The following FBXW11 variants were observed in gnomAD, a reference collection of about 807,000 sequenced individuals.
FBXW11 encodes the protein F-box/WD repeat-containing protein 11.
FBXW11 carries 19 observed loss-of-function variants against 77.6 expected under a neutral mutation model. The observed-to-expected ratio is 0.24, with a 90% confidence interval of 0.17 to 0.36. The LOEUF is 0.36. Ranked by LOEUF, FBXW11 falls within the 10% of genes least tolerant of loss-of-function variation. FBXW11 has a pLI of 1.00. For missense variants in FBXW11, 334 were observed against 704.2 expected, an observed-to-expected ratio of 0.47 and a Z score of 5.95; for synonymous variants, 235 against 249.4, an observed-to-expected ratio of 0.94 and a Z score of 0.54.
chr5:171,883,118 T>C (rs955223557), intron 7 of FBXW11, among the ~76,000 whole-genome samples: 1 of 152,224 alleles, frequency 6.6e-6, no homozygotes, highest in Admixed American at 6.5e-5. Context: ...TGTTAATTCA[T>C]TCCTTTATAT....
chr5:171,913,818 T>TACACACACACACACAC (rs1161644281), intron 3 of FBXW11, among the ~76,000 whole-genome samples: 7 of 65,318 alleles, frequency 1.1e-4, no homozygotes, highest in South Asian at 1.0e-3. Flanking sequence ...CACACACACA[T>TACACACACACACACAC]ACACACACAC....
intron 2 of FBXW11, among the ~76,000 whole-genome samples, chr5:171,921,939 A>G (rs1761622925): frequency 6.6e-6 from 1 of 151,996 alleles, no homozygotes; most frequent in Non-Finnish European, 1.5e-5. Flanking sequence ...GGGTCTTGCT[A>G]TGTTGCTCAA....
At chr5:171,980,730 T>C (rs1451741226) in intron 1 of FBXW11, among the ~76,000 whole-genome samples, 1 of 152,192 alleles carries the variant, frequency 6.6e-6, no homozygotes, top group Non-Finnish European at 1.5e-5. Flanking sequence ...AGAGGAAGTA[T>C]AAGAATGTAC....
chr5:171,868,910 G>A (rs2113747332), intron 12 of FBXW11, 114 bp from the exon 13 acceptor site: 1 of 864,108 alleles, frequency 1.2e-6, no homozygotes, highest in Non-Finnish European at 1.8e-6. Context: ...CTTCCTAAAC[G>A]ACTGTACAGA....
intron 1 of FBXW11, among the ~76,000 whole-genome samples, chr5:171,992,498 A>G: frequency 6.6e-6 from 1 of 151,996 alleles, no homozygotes; most frequent in South Asian, 2.1e-4. Flanking sequence ...GAAGAAAGAA[A>G]AGAGAGAGAA....
chr5:171,890,150 A>C (rs1484225703), intron 7 of FBXW11, among the ~76,000 whole-genome samples: 2 of 152,158 alleles, frequency 1.3e-5, no homozygotes, highest in Non-Finnish European at 2.9e-5. Flanking sequence ...TTTAAAGCAA[A>C]ATGAGGTATG....
chr5:171,890,487 C>CA (rs5873290), intron 7 of FBXW11, among the ~76,000 whole-genome samples: 104,435 of 126,402 alleles, frequency 0.83, 43,699 homozygotes, highest in East Asian at 0.98. Flanking sequence ...GACTCCGTCT[C>CA]AAAAAAAAAA....
At chr5:171,995,064 G>A (rs1176180208) in intron 1 of FBXW11, among the ~76,000 whole-genome samples, 5 of 152,206 alleles carry the variant, frequency 3.3e-5, no homozygotes, top group East Asian at 1.9e-4. Flanking sequence ...CAGAATGTCC[G>A]TCTACAATAA....
At chr5:171,935,416 G>T (rs1369710282) in intron 2 of FBXW11, among the ~76,000 whole-genome samples, 1 of 148,064 alleles carries the variant, frequency 6.8e-6, no homozygotes, top group Non-Finnish European at 1.5e-5. Context: ...TATTTAAAAA[G>T]AAAAAAAAAC....
chr5:171,942,433 G>A (rs1436160600), intron 2 of FBXW11, among the ~76,000 whole-genome samples: 5 of 152,206 alleles, frequency 3.3e-5, no homozygotes, highest in African/African-American at 1.2e-4. Context: ...CTGTTTCACA[G>A]TCTGTCAATT....
At chr5:171,913,968 T>C (rs1761067257) in intron 3 of FBXW11, among the ~76,000 whole-genome samples, 1 of 150,768 alleles carries the variant, frequency 6.6e-6, no homozygotes. Context: ...CCAATGGAAA[T>C]GGGAGAGAAG....
In FBXW11 at chr5:171,872,880, A is replaced by G. The variant is rs756047584; in HGVS notation, c.1332T>C (p.Asn444=). The change falls in exon 10 of 14, where the codon AAT becomes AAC. Residue 444 remains asparagine (N), a synonymous_variant. Transcript: ENST00000517395. ...DRLVVSGSSD[N]TIRLWDIECG... ...CACCAACTTCTACCCACCTAATGGT[A>G]TTATCTGATGATCCACTAACAACCA... 13 of 1,613,066 alleles carry G rather than the reference A, an allele frequency of 8.1e-6. No individual in the cohort carries two copies. Among genetic ancestry groups the G allele is most frequent in the Admixed American group, 6.7e-5 (4 of 60,002 alleles).
chr5:171,900,883 C>T (rs547785957), intron 4 of FBXW11, among the ~76,000 whole-genome samples: 1 of 152,320 alleles, frequency 6.6e-6, no homozygotes, highest in African/African-American at 2.4e-5. Flanking sequence ...TCAGCCTCTG[C>T]CTGACATTCA....
chr5:171,997,630 G>T (rs942245387), intron 1 of FBXW11, among the ~76,000 whole-genome samples: 7 of 152,122 alleles, frequency 4.6e-5, no homozygotes, highest in African/African-American at 1.4e-4. Context: ...CTCAGTAAAG[G>T]CCAGTCCCGT....
intron 2 of FBXW11, 145 bp downstream of exon 2, chr5:171,957,452 G>T: frequency 1.3e-6 from 1 of 783,364 alleles, no homozygotes. Flanking sequence ...ACTCCTCCAT[G>T]TGGGGCACCC....
chr5:171,889,954 T>C (rs1034483524), intron 7 of FBXW11, among the ~76,000 whole-genome samples: 3 of 151,902 alleles, frequency 2.0e-5, no homozygotes, highest in African/African-American at 4.8e-5. Flanking sequence ...GAAAAATATA[T>C]GCAAAACATA....
At position 171,958,376 on chromosome 5, in the gene FBXW11, C is replaced by T. The variant is rs141083869; in HGVS notation, c.46-678G>A. On this transcript the variant is annotated intron_variant, in intron 1 of 13. Transcript: ENST00000517395. ...CTCCCTAAGGTAAAATCACAGGAGA[C>T]CTAAAGAATAAGGCAAAAAGAACAA... 6.3e-3 allele frequency among the ~76,000 whole-genome samples: 964 copies of T among 151,942 alleles called. 5 individuals are homozygous for T. The highest frequency in any genetic ancestry group is 0.014 in the Middle Eastern group (4 of 294).
intron 2 of FBXW11, among the ~76,000 whole-genome samples, chr5:171,928,825 C>A (rs991798671): frequency 1.3e-5 from 2 of 152,234 alleles, no homozygotes; most frequent in African/African-American, 4.8e-5. Flanking sequence ...GTAATCCCAG[C>A]ACTTTGGGAG....
At chr5:171,941,311 G>C (rs1897568) in intron 2 of FBXW11, among the ~76,000 whole-genome samples, 2 of 152,074 alleles carry the variant, frequency 1.3e-5, no homozygotes, top group African/African-American at 2.4e-5. Context: ...CAAACCTAAA[G>C]TGACAGACTA....
Sources: gnomAD v4.1 joint callset for allele counts (sites outside exome capture counted in the v4.1 genomes callset) on GRCh38, gnomAD v4.1.1 for gene constraint, MANE v1.5 for transcripts, NCBI Gene and HGNC (gene_info 2026-07-23, HGNC 2026-07-21) for gene names.